Variants in KLHL5 observed in about 807,000 individuals in gnomAD.
KLHL5 encodes the protein kelch-like protein 5.
KLHL5 carries 48 observed loss-of-function variants against 77.7 expected under a neutral mutation model. The ratio of observed to expected loss-of-function variants is 0.62; its 90% CI spans 0.49 to 0.79. The LOEUF (loss-of-function observed/expected upper bound fraction) is 0.79. Among genes scored for constraint, KLHL5 ranks in the 30% least tolerant of loss-of-function variants. The pLI is 0.00. For missense variants in KLHL5, 723 were observed against 859.7 expected (o/e 0.84, Z 1.99); for synonymous variants, 260 against 297.0 (o/e 0.88, Z 1.28).
intron 5 of KLHL5, among the ~76,000 whole-genome samples, 177 bp downstream of exon 5, chr4:39,086,904 C>CTTTTTTTTTTT (rs71643263): frequency 5.1e-5 from 4 of 78,346 alleles, no homozygotes; most frequent in African/African-American, 1.0e-4. Flanking sequence ...AAGTAACATT[C>CTTTTTTTTTTT]TTTTTTTTTT....
At chr4:39,080,540 T>C (rs1014449145) in intron 2 of KLHL5, among the ~76,000 whole-genome samples, 1 of 151,488 alleles carries the variant, frequency 6.6e-6, no homozygotes, top group Admixed American at 6.6e-5. Context: ...AAAAAAATTA[T>C]AATTTAAATG....
intron 4 of KLHL5, among the ~76,000 whole-genome samples, chr4:39,082,499 C>G (rs1211895806): frequency 6.6e-6 from 1 of 152,112 alleles, no homozygotes; most frequent in Non-Finnish European, 1.5e-5. Flanking sequence ...CAGGATTGTT[C>G]ACATATTCAC....
chr4:39,103,009 TTTC>T (rs1721725152), intron 6 of KLHL5, among the ~76,000 whole-genome samples: 1 of 152,150 alleles, frequency 6.6e-6, no homozygotes, highest in Admixed American at 6.6e-5. Context: ...CCTCTGCTTT[TTTC>T]TCCCCCGCTT....
intron 5 of KLHL5, among the ~76,000 whole-genome samples, chr4:39,090,060 A>G (rs990430139): frequency 6.6e-6 from 1 of 152,204 alleles, no homozygotes; most frequent in African/African-American, 2.4e-5. Context: ...AGAGTTATCA[A>G]GTAATAAAGT....
intron 1 of KLHL5, among the ~76,000 whole-genome samples, chr4:39,066,301 C>T (rs997219959): frequency 6.6e-5 from 10 of 151,986 alleles, no homozygotes; most frequent in African/African-American, 9.7e-5. Context: ...ATCTATATGG[C>T]GGCCCACCAT....
chr4:39,095,968 T>G (rs1198613225), intron 5 of KLHL5, among the ~76,000 whole-genome samples: 2 of 152,016 alleles, frequency 1.3e-5, no homozygotes, highest in Non-Finnish European at 2.9e-5. Flanking sequence ...CCAGGTTGTT[T>G]ATAAGGCAGG....
At chr4:39,096,459 A>C (rs1270244307) in intron 5 of KLHL5, among the ~76,000 whole-genome samples, 1 of 152,210 alleles carries the variant, frequency 6.6e-6, no homozygotes, top group Non-Finnish European at 1.5e-5. Context: ...CCCAGAGATA[A>C]GCACTACAGT....
Position 39,069,193 on chromosome 4 carries a change from A to G in KLHL5, c.383+6158A>G, listed in dbSNP as rs906806477. 2.0e-5 allele frequency among the ~76,000 whole-genome samples: 3 copies of G among 152,276 alleles called. No individual in the cohort carries two copies. In the East Asian group the frequency reaches 5.8e-4, roughly 29 times the overall value. On this transcript the variant is annotated intron_variant, in intron 1 of 10. Coordinates refer to ENST00000504108, the MANE Select transcript of KLHL5 (RefSeq NM_015990.5). Reference sequence around the variant, plus strand: ...ATTAAGCAAGCGACACAAGTTGCACATATCAGTTCTGCACATATTCATTGG... The same window carrying G: ...ATTAAGCAAGCGACACAAGTTGCACGTATCAGTTCTGCACATATTCATTGG...
chr4:39,115,801 A>C, intron 10 of KLHL5: 1 of 1,026,756 alleles, frequency 9.7e-7, no homozygotes, highest in Non-Finnish European at 1.2e-6. Flanking sequence ...ACTGAGTAAG[A>C]AACCTGATCT....
In KLHL5 at chr4:39,103,347, T is replaced by C; in HGVS notation, c.1361T>C (p.Met454Thr). Reference protein sequence around the residue: ...RTNMWTPVANMNGRRLQFGVA... With the variant: ...RTNMWTPVANTNGRRLQFGVA... ...AATATGTGGACTCCAGTAGCAAATA[T>C]GAATGGGAGGAGGCTACAGTTCGGT... Residue 454 changes from methionine to threonine, a missense_variant, in exon 7 of 11, where the codon ATG becomes ACG. Around this residue, in one of 3 missense-constraint regions of KLHL5, gnomAD observed 288 missense variants for 400.3 expected, o/e 0.72. Transcript: ENST00000504108. 6.2e-7 allele frequency: 1 copy of C among 1,614,058 alleles called. No individual in the cohort carries two copies. Among genetic ancestry groups the C allele is most frequent in the South Asian group, 1.1e-5 (1 of 91,078 alleles).
the KLHL5 span, among the ~76,000 whole-genome samples, chr4:39,139,048 A>T: frequency 6.6e-6 from 1 of 152,044 alleles, no homozygotes; most frequent in Non-Finnish European, 1.5e-5. Flanking sequence ...TTGGGAGGCC[A>T]AGGCAGGTGG....
downstream of KLHL5, chr4:39,126,869 G>C (rs1256424579): frequency 1.3e-4 from 50 of 396,130 alleles, no homozygotes; most frequent in Non-Finnish European, 9.9e-5. Context: ...TAAGTAACTA[G>C]AATTTTTATA....
At chr4:39,084,727 G>A (rs1232337777) in intron 4 of KLHL5, among the ~76,000 whole-genome samples, 4 of 152,114 alleles carry the variant, frequency 2.6e-5, no homozygotes, top group African/African-American at 9.7e-5. Context: ...TCCAATTAAT[G>A]CCATTTGAAA....
upstream of KLHL5, among the ~76,000 whole-genome samples, chr4:39,057,888 A>C (rs1717112726): frequency 6.6e-6 from 1 of 152,230 alleles, no homozygotes; most frequent in South Asian, 2.1e-4. Context: ...GCCATGATTT[A>C]AGTTGAGTGA....
intron 1 of KLHL5, among the ~76,000 whole-genome samples, chr4:39,073,810 A>G (rs1718728375): frequency 7.2e-6 from 1 of 138,282 alleles, no homozygotes; most frequent in Non-Finnish European, 1.5e-5. Flanking sequence ...ACGCCCAGCT[A>G]ATTTTTTTTT....
At chr4:39,066,740 G>GCA (rs1717924054) in intron 1 of KLHL5, among the ~76,000 whole-genome samples, 1 of 152,102 alleles carries the variant, frequency 6.6e-6, no homozygotes, top group Non-Finnish European at 1.5e-5. Context: ...TAACTGTGAG[G>GCA]CACTGTTCTA....
At chr4:39,077,713 AAAAC>A (rs1231128611) in intron 2 of KLHL5, among the ~76,000 whole-genome samples, 7 of 150,890 alleles carry the variant, frequency 4.6e-5, no homozygotes, top group East Asian at 1.9e-4. Context: ...AAAAAAACAA[AAAAC>A]AAACAAACAA....
At chr4:39,113,395 C>T (rs1201280605) in intron 9 of KLHL5, 163 bp downstream of exon 9, 1 of 608,192 alleles carries the variant, frequency 1.6e-6, no homozygotes. Flanking sequence ...GGAAGTGATA[C>T]TTCCAGAAAA....
At chr4:39,077,815 A>G (rs147225266) in intron 2 of KLHL5, among the ~76,000 whole-genome samples, 9 of 152,298 alleles carry the variant, frequency 5.9e-5, no homozygotes, top group African/African-American at 2.2e-4. Flanking sequence ...TATGAAAAAG[A>G]TGTTTGCACA....
Sources: allele counts gnomAD v4.1 joint callset (sites outside exome capture counted in the v4.1 genomes callset), GRCh38; gene constraint gnomAD v4.1.1; regional missense constraint gnomAD v4.1.1; transcripts MANE v1.5; gene names NCBI Gene and HGNC (gene_info 2026-07-23, HGNC 2026-07-21).